RPN2: variants seen among roughly 807,000 people sequenced by gnomAD.
The protein encoded by RPN2 is dolichyl-diphosphooligosaccharide--protein glycosyltransferase subunit 2.
RPN2 carries 29 observed loss-of-function variants against 71.4 expected under a neutral mutation model. The observed-to-expected ratio is 0.41, with a 90% CI of 0.30 to 0.55. RPN2 has a LOEUF of 0.55. Among genes scored for constraint, RPN2 ranks in the 20% least tolerant of loss-of-function variants. The pLI, the probability that RPN2 is intolerant of heterozygous loss-of-function variation, is 0.35. For missense variants in RPN2, 726 were observed against 774.1 expected (o/e 0.94, Z 0.74); for synonymous variants, 308 against 305.0 (o/e 1.01, Z -0.10).
rs542041504 is a variant in RPN2, at chr20:37,198,561, A to T, written c.303+69A>T. On this transcript the variant is annotated intron_variant, in intron 3 of 16. Transcript: ENST00000237530. Reference sequence around the variant, plus strand: ...AGTACATTTTTAAAGGGGAGGAGTCATGTCAAACATCCTTTTTTTAATTAT... The same window carrying T: ...AGTACATTTTTAAAGGGGAGGAGTCTTGTCAAACATCCTTTTTTTAATTAT... 5.6e-6 allele frequency: 9 copies of T among 1,609,302 alleles called. No individual in the cohort carries two copies. In the African/African-American group the frequency reaches 9.3e-5, roughly 17 times the overall value.
chr20:37,232,980 C>T (rs892655172), intron 14 of RPN2, among the ~76,000 whole-genome samples: 4 of 151,722 alleles, frequency 2.6e-5, no homozygotes, highest in Non-Finnish European at 2.9e-5. Flanking sequence ...TTTGGGAGGC[C>T]GAGGTGGGAG....
intron 1 of RPN2, among the ~76,000 whole-genome samples, chr20:37,181,178 G>A (rs7273938): frequency 0.38 from 57,379 of 151,038 alleles, 11,949 homozygotes; most frequent in African/African-American, 0.54. Flanking sequence ...GCAGTGAGCC[G>A]AGATCGCGCC....
At chr20:37,225,645 A>G (rs147874603) in intron 10 of RPN2, 43 bp from the exon 11 acceptor site, 1 of 1,287,326 alleles carries the variant, frequency 7.8e-7, no homozygotes, top group South Asian at 1.2e-5. Flanking sequence ...TCTCAGAGAT[A>G]TACTGATCCT....
At chr20:37,237,089 T>C (rs1740488633) in intron 16 of RPN2, among the ~76,000 whole-genome samples, 1 of 151,912 alleles carries the variant, frequency 6.6e-6, no homozygotes, top group South Asian at 2.1e-4. Flanking sequence ...CGAGAGCTGC[T>C]CCTCTGTAAC....
chr20:37,194,776 C>G (rs1292733394), intron 2 of RPN2, among the ~76,000 whole-genome samples: 1 of 152,040 alleles, frequency 6.6e-6, no homozygotes, highest in Admixed American at 6.6e-5. Flanking sequence ...GAAAAGCGGG[C>G]CTGGTTAGAA....
intron 2 of RPN2, 50 bp from the exon 3 acceptor site, chr20:37,198,347 G>A (rs745714706): frequency 1.4e-5 from 23 of 1,613,806 alleles, no homozygotes; most frequent in Middle Eastern, 3.3e-4. Flanking sequence ...TGCTTTTCCT[G>A]GTTCACTACA....
intron 2 of RPN2, among the ~76,000 whole-genome samples, chr20:37,185,192 T>A (rs1362014288): frequency 6.8e-6 from 1 of 147,552 alleles, no homozygotes; most frequent in Non-Finnish European, 1.5e-5. Context: ...CAGGCTAGAG[T>A]GCAGTGGCAT....
At chr20:37,180,431 A>C (rs190111532) in intron 1 of RPN2, among the ~76,000 whole-genome samples, 1 of 152,248 alleles carries the variant, frequency 6.6e-6, no homozygotes, top group Non-Finnish European at 1.5e-5. Context: ...AAAGCACAGC[A>C]TAGCGTGGGC....
chr20:37,214,410 C>G (rs6104087), intron 9 of RPN2, among the ~76,000 whole-genome samples: 5 of 152,194 alleles, frequency 3.3e-5, no homozygotes, highest in Admixed American at 2.0e-4. Flanking sequence ...CCTTATTTAC[C>G]TGATGCTTTG....
intron 4 of RPN2, among the ~76,000 whole-genome samples, chr20:37,200,292 C>A (rs540539675): frequency 1.3e-5 from 2 of 152,122 alleles, no homozygotes; most frequent in Non-Finnish European, 2.9e-5. Flanking sequence ...CCCGGCTGCC[C>A]AGCTAATTTT....
intron 2 of RPN2, among the ~76,000 whole-genome samples, chr20:37,194,157 A>C (rs2067205282): frequency 6.6e-6 from 1 of 152,162 alleles, no homozygotes; most frequent in African/African-American, 2.4e-5. Context: ...GCAGAAGCCA[A>C]ATTGGAATGA....
intron 4 of RPN2, chr20:37,200,326 C>T (rs983629682): frequency 4.6e-5 from 16 of 350,956 alleles, no homozygotes; most frequent in Admixed American, 4.1e-5. Flanking sequence ...GGAGATGGGG[C>T]CTGTCTGTGT....
chr20:37,238,525 C>G (rs991683769), intron 16 of RPN2: 6 of 1,061,640 alleles, frequency 5.7e-6, no homozygotes, highest in Non-Finnish European at 7.2e-6. Flanking sequence ...TGTCAGTTAT[C>G]TCTCTAGTTT....
chr20:37,223,096 A>G (rs966776748), intron 9 of RPN2, among the ~76,000 whole-genome samples: 2 of 152,226 alleles, frequency 1.3e-5, no homozygotes, highest in African/African-American at 4.8e-5. Context: ...GCATCTGGAC[A>G]TTGTGTCCAT....
At position 37,236,682 on chromosome 20, in the gene RPN2, G is replaced by A. The variant is rs751864134; in HGVS notation, c.1856G>A (p.Arg619Gln). The change falls in exon 16 of 17, where the codon CGG becomes CAG. Residue 619 changes from arginine (R) to glutamine (Q), a missense_variant. Arg to Gln is a conservative substitution (Grantham distance 43, BLOSUM62 1). Coordinates refer to ENST00000237530, the MANE Select transcript of RPN2 (RefSeq NM_002951.5). ...LGSVTFLAGN[R>Q]MLAQQAVKRT... ...AGTGTGACGTTTCTGGCTGGCAATC[G>A]GATGCTGGCCCAGCAGGCAGTCAAG... 17 of 1,614,122 alleles carry A rather than the reference G, an allele frequency of 1.1e-5. No homozygotes were observed. The highest frequency in any genetic ancestry group is 1.6e-4 in the Middle Eastern group (1 of 6,062).
intron 8 of RPN2, among the ~76,000 whole-genome samples, chr20:37,210,917 G>A (rs960068150): frequency 3.3e-5 from 5 of 152,028 alleles, no homozygotes; most frequent in Non-Finnish European, 2.9e-5. Flanking sequence ...GGCCAGGCAT[G>A]GGGCTCATAC....
Position 37,241,431 on chromosome 20 carries a change from TC to T in RPN2, c.*118del. ...AAACTTTATTTAAAAAAGAAAAAAG[TC>T]CAGATTGTAGTTATACTTTTGCTTG... On this transcript the variant is annotated 3_prime_UTR_variant, in exon 17 of 17. Coordinates refer to ENST00000237530, the MANE Select transcript of RPN2 (RefSeq NM_002951.5). 7.9e-7 allele frequency: 1 copy of T among 1,264,118 alleles called. No homozygotes were observed. The highest frequency in any genetic ancestry group is 1.1e-6 in the Non-Finnish European group (1 of 898,696). The allele number at this position is 1,264,118 out of a possible 1,614,324, so 78.3% of individuals were successfully genotyped here.
In RPN2 at chr20:37,203,969, CT is replaced by C. The variant is rs2067454373; in HGVS notation, c.555+13del. On this transcript the variant is annotated intron_variant, in intron 5 of 16. Transcript: ENST00000237530. ...TCGTGGAGGAGATTGAGGTGTGAAT[CT>C]TTTGCCAAATGCATCTCCCAGCTCC... is the stretch of plus-strand genomic sequence containing the variant. The C allele has an allele frequency of 1.9e-6, 3 of 1,606,834 alleles. No individual in the cohort carries two copies. The highest frequency in any genetic ancestry group is 2.6e-6 in the Non-Finnish European group (3 of 1,173,488).
chr20:37,201,685 C>T (rs1210579500), intron 4 of RPN2, among the ~76,000 whole-genome samples: 1 of 152,140 alleles, frequency 6.6e-6, no homozygotes, highest in Non-Finnish European at 1.5e-5. Context: ...ATATGCAAAC[C>T]TGGAGAATGT....
Sources: gnomAD v4.1 joint callset for allele counts (sites outside exome capture counted in the v4.1 genomes callset) on GRCh38, gnomAD v4.1.1 for gene constraint, MANE v1.5 for transcripts, NCBI Gene and HGNC (gene_info 2026-07-23, HGNC 2026-07-21) for gene names.